OVOL2: variants seen among roughly 807,000 people sequenced by gnomAD.
OVOL2 encodes the protein transcription factor Ovo-like 2.
OVOL2 carries 13 observed loss-of-function variants against 18.1 expected under a neutral mutation model. The ratio of observed to expected loss-of-function variants is 0.72; its 90% CI spans 0.47 to 1.14. The LOEUF (loss-of-function observed/expected upper bound fraction) is 1.14, where lower values mean the gene tolerates loss of function less well. OVOL2 is among the 50% of genes most tolerant of loss of function. The probability of loss-of-function intolerance (pLI) is 0.00; values close to 1 mark genes in which losing one functional copy is unlikely to be tolerated. For synonymous variants in OVOL2, 166 were observed against 162.7 expected (o/e 1.02, Z -0.16); for missense variants, 335 against 383.0 (o/e 0.87, Z 1.05).
In OVOL2 at chr20:18,056,687, C is replaced by A; in HGVS notation, c.291G>T (p.Lys97Asn). The change falls in exon 2 of 4, where the codon AAG (lysine) becomes AAT (asparagine). Residue 97 changes from lysine to asparagine, a missense_variant. Physicochemically the swap from Lys to Asn is moderately conservative, Grantham distance 94. Coordinates refer to ENST00000278780, the MANE Select transcript of OVOL2 (RefSeq NM_021220.4). This position sits in a 1 kb window ranked among gnomAD's most constrained non-coding sequence, Gnocchi z 4.2. ...AEGPDGHLAT[K>N]QRPVARSKIK... ...TTTTCGATCTGGCGACCGGGCGCTG[C>A]TTGGTCGCCAGGTGTCCATCGGGGC... The A allele has an allele frequency of 6.9e-7, 1 of 1,439,530 alleles. No individual in the cohort carries two copies. The highest frequency in any genetic ancestry group is 9.1e-7 in the Non-Finnish European group (1 of 1,101,122). 89.2% of individuals were successfully genotyped at this position (1,439,530 alleles called of 1,614,324 possible).
At chr20:18,054,781 A>G (rs200226663) in intron 2 of OVOL2, among the ~76,000 whole-genome samples, 4,363 of 136,150 alleles carry the variant, frequency 0.032, 103 homozygotes, top group South Asian at 0.06. Flanking sequence ...AAAAAAAAAA[A>G]AGAAAGAAAA....
At chr20:18,047,310 C>T (rs1028918618) in intron 2 of OVOL2, among the ~76,000 whole-genome samples, 5 of 151,912 alleles carry the variant, frequency 3.3e-5, no homozygotes, top group Non-Finnish European at 5.9e-5. Context: ...GTCAGGAGTT[C>T]GAGACCAGCC....
At chr20:18,032,291 A>AAAGG (rs200571947) in intron 3 of OVOL2, among the ~76,000 whole-genome samples, 5 of 150,486 alleles carry the variant, frequency 3.3e-5, no homozygotes, top group Admixed American at 2.7e-4. Context: ...AAAGGAAAGG[A>AAAGG]AAGGAAGGAA....
At chr20:18,044,872 C>T (rs1038069163) in intron 2 of OVOL2, among the ~76,000 whole-genome samples, 5 of 152,096 alleles carry the variant, frequency 3.3e-5, no homozygotes, top group Admixed American at 1.3e-4. Flanking sequence ...GTGTGTGGTT[C>T]AGCATGGCTA....
In OVOL2 at chr20:18,024,819, G is replaced by A; in HGVS notation, c.645C>T (p.Val215=). Residue 215 remains valine, a synonymous_variant, in exon 4 of 4, where the codon GTC becomes GTT. Coordinates refer to ENST00000278780, the MANE Select transcript of OVOL2 (RefSeq NM_021220.4). ...GGCCCGTGTAGCCGCAATCCTCGCA[G>A]ACGTAGAGCTTGTCCCGCCGCTGCT... The part of the protein sequence containing the change: ...AYKQRRDKLY[V]CEDCGYTGPT... 2 of 1,614,208 alleles carry A rather than the reference G, an allele frequency of 1.2e-6. No homozygotes were observed. Among genetic ancestry groups the A allele is most frequent in the African/African-American group, 1.3e-5 (1 of 75,044 alleles).
At chr20:18,044,397 C>G (rs2036705471) in intron 2 of OVOL2, among the ~76,000 whole-genome samples, 1 of 152,206 alleles carries the variant, frequency 6.6e-6, no homozygotes, top group South Asian at 2.1e-4. Flanking sequence ...CTGCTCCAAG[C>G]CTAGTCTAGG....
chr20:18,037,392 T>C (rs569100986), intron 3 of OVOL2, among the ~76,000 whole-genome samples: 147 of 152,342 alleles, frequency 9.6e-4, no homozygotes, highest in African/African-American at 3.3e-3. Context: ...CTTTGGGTAA[T>C]TTGAGATGAC....
intron 2 of OVOL2, 91 bp from the exon 3 acceptor site, chr20:18,041,814 CT>C: frequency 8.3e-7 from 1 of 1,199,696 alleles, no homozygotes; most frequent in Non-Finnish European, 1.1e-6. Flanking sequence ...TGTCTTGAGG[CT>C]GCCCTGTCTG....
intron 2 of OVOL2, among the ~76,000 whole-genome samples, chr20:18,051,910 A>ATT (rs962388839): frequency 1.3e-5 from 2 of 150,934 alleles, no homozygotes; most frequent in South Asian, 4.2e-4. Context: ...TTTTTTTTGT[A>ATT]TTTTTTTTTA....
At chr20:18,026,613 C>G (rs2036520616) in intron 3 of OVOL2, among the ~76,000 whole-genome samples, 1 of 152,182 alleles carries the variant, frequency 6.6e-6, no homozygotes, top group Admixed American at 6.5e-5. Context: ...GATCTCCTGA[C>G]CTTGTGATCT....
At chr20:18,055,078 G>A (rs2036807659) in intron 2 of OVOL2, among the ~76,000 whole-genome samples, 1 of 152,114 alleles carries the variant, frequency 6.6e-6, no homozygotes, top group African/African-American at 2.4e-5. Flanking sequence ...GGAGTGAACT[G>A]TGCCTCCCGC....
chr20:18,050,850 T>C (rs1295181628), intron 2 of OVOL2: 1 of 152,216 alleles, frequency 6.6e-6, no homozygotes, highest in Non-Finnish European at 1.5e-5. Flanking sequence ...AAGTGTTCCC[T>C]GGCTCTGATG....
intron 3 of OVOL2, among the ~76,000 whole-genome samples, chr20:18,025,366 G>A (rs559302638): frequency 1.3e-5 from 2 of 152,062 alleles, no homozygotes; most frequent in East Asian, 1.9e-4. Flanking sequence ...TCAGGAGTTC[G>A]AGACCAGCCT....
rs116466371 is a variant in OVOL2, at chr20:18,038,362, T to G, written c.511+3172A>C. ...CCCCAAAACCTCACAACCATCACTT[T>G]AAGTGGCAAGTATTAAAATGATCAC... On this transcript the variant is annotated intron_variant, in intron 3 of 3. Coordinates refer to ENST00000278780, the MANE Select transcript of OVOL2 (RefSeq NM_021220.4). 4.2e-3 allele frequency among the ~76,000 whole-genome samples: 633 copies of G among 152,320 alleles called. 8 individuals are homozygous for G. Among genetic ancestry groups the G allele is most frequent in the African/African-American group, 0.015 (615 of 41,580 alleles).
At chr20:18,040,122 C>T (rs1284820629) in intron 3 of OVOL2, among the ~76,000 whole-genome samples, 3 of 152,100 alleles carry the variant, frequency 2.0e-5, no homozygotes, top group African/African-American at 7.2e-5. Context: ...GACAGTCTTT[C>T]GATGTTGCCC....
chr20:18,051,813 A>G (rs1194106279), intron 2 of OVOL2, among the ~76,000 whole-genome samples: 4 of 152,138 alleles, frequency 2.6e-5, no homozygotes, highest in African/African-American at 4.8e-5. Flanking sequence ...GCTCACTGCA[A>G]TCTCCACCTC....
intron 2 of OVOL2, among the ~76,000 whole-genome samples, chr20:18,051,940 A>C (rs1025278281): frequency 2.6e-5 from 4 of 151,914 alleles, no homozygotes; most frequent in African/African-American, 7.3e-5. Flanking sequence ...GGGTTTCAAC[A>C]TGTTGGCCAG....
rs2122681333 is a variant in OVOL2, at chr20:18,024,319, A to T, written c.*317T>A. ...CATAAAATGATGATCTCTCTAAGAA[A>T]TACCTCTCCTTCCGTGTGTGAAAAT... On this transcript the variant is annotated 3_prime_UTR_variant, in exon 4 of 4. Coordinates refer to ENST00000278780, the MANE Select transcript of OVOL2 (RefSeq NM_021220.4). 1 of 281,240 alleles carries T rather than the reference A, an allele frequency of 3.6e-6. No homozygotes were observed. The highest frequency in any genetic ancestry group is 6.6e-5 in the East Asian group (1 of 15,246). The allele number at this position is 281,240 out of a possible 1,614,324, so 17.4% of individuals were successfully genotyped here.
At chr20:18,043,094 C>T (rs957691475) in intron 2 of OVOL2, among the ~76,000 whole-genome samples, 1 of 152,188 alleles carries the variant, frequency 6.6e-6, no homozygotes, top group Non-Finnish European at 1.5e-5. Flanking sequence ...CTTCCTCCTC[C>T]ACTCCTTCCT....
Sources: allele counts gnomAD v4.1 joint callset (sites outside exome capture counted in the v4.1 genomes callset), GRCh38; gene constraint gnomAD v4.1.1; non-coding constraint Gnocchi (gnomAD v3.1); transcripts MANE v1.5; gene names NCBI Gene and HGNC (gene_info 2026-07-23, HGNC 2026-07-21).